Variants in DCAF8L2 observed in about 807,000 individuals in gnomAD.
DCAF8L2 encodes the protein DDB1 and CUL4 associated factor 8 like 2.
For missense variants in DCAF8L2, 430 were observed against 490.7 expected (o/e 0.88, Z 1.17); for synonymous variants, 200 against 190.9 (o/e 1.05, Z -0.39).
At chrX:27,501,466 T>C in the DCAF8L2 span, among the ~76,000 whole-genome samples, 9 of 111,568 alleles carry the variant, frequency 8.1e-5, no homozygotes, top group Non-Finnish European at 1.5e-4. Context: ...GTTTCCATTA[T>C]ATATTCCATG....
the DCAF8L2 span, among the ~76,000 whole-genome samples, chrX:27,555,765 G>A: frequency 1.3e-4 from 14 of 111,729 alleles, no homozygotes; most frequent in African/African-American, 4.6e-4. Context: ...GTTGGTGAGA[G>A]GTGTGAGTTT....
upstream of DCAF8L2, among the ~76,000 whole-genome samples, chrX:27,587,985 A>AAAAAAATATATATATATATAT: frequency 1.1e-3 from 24 of 22,338 alleles, no homozygotes; most frequent in African/African-American, 2.2e-3. Flanking sequence ...TAAAAAAAAA[A>AAAAAAATATATATATATATAT]ATATATATAT....
At chrX:27,630,415 T>C (rs929490771) in intron 1 of DCAF8L2, among the ~76,000 whole-genome samples, 1 of 111,607 alleles carries the variant, frequency 9.0e-6, no homozygotes, top group African/African-American at 3.2e-5. Flanking sequence ...ACCAGATGGC[T>C]TTACTGGTGA....
chrX:27,673,248 C>T (rs1278302655), intron 2 of DCAF8L2, among the ~76,000 whole-genome samples: 1 of 110,771 alleles, frequency 9.0e-6, no homozygotes, highest in Non-Finnish European at 1.9e-5. Context: ...TGGCTAACCC[C>T]TATAATCCCA....
the DCAF8L2 span, among the ~76,000 whole-genome samples, chrX:27,512,587 G>A: frequency 9.5e-6 from 1 of 104,979 alleles, no homozygotes; most frequent in Non-Finnish European, 1.9e-5. Flanking sequence ...GAGAGGCTGA[G>A]GCAGGAGAAT....
At chrX:27,741,732 T>A (rs1000629823) in intron 4 of DCAF8L2, among the ~76,000 whole-genome samples, 1 of 111,397 alleles carries the variant, frequency 9.0e-6, no homozygotes, top group African/African-American at 3.3e-5. Flanking sequence ...TTGGAAATTG[T>A]CACTGTAAAA....
In DCAF8L2 at chrX:27,748,113, C is replaced by G; in HGVS notation, c.1218C>G (p.Gly406=). 2.5e-6 allele frequency: 3 copies of G among 1,211,444 alleles called. No individual in the cohort carries two copies. Among genetic ancestry groups the G allele is most frequent in the South Asian group, 3.5e-5 (2 of 56,952 alleles). ...QRKIDKKENN[G]VLKKFTPHHL... is the part of the protein sequence containing the mutation. The stretch of plus-strand genomic sequence containing the variant: ...AAATTGATAAGAAAGAAAACAATGG[C>G]GTGCTCAAGAAATTCACTCCTCATC... Residue 406 remains glycine, a synonymous_variant, in exon 5 of 5, where the codon GGC becomes GGG. Transcript: ENST00000451261.
chrX:27,555,494 G>A, the DCAF8L2 span, among the ~76,000 whole-genome samples: 23 of 111,827 alleles, frequency 2.1e-4, no homozygotes, highest in Admixed American at 9.5e-5. Context: ...ATTCAACATG[G>A]ATCATTTAGC....
chrX:27,674,486 G>A (rs1441994472), intron 2 of DCAF8L2, among the ~76,000 whole-genome samples: 1 of 111,417 alleles, frequency 9.0e-6, no homozygotes, highest in East Asian at 2.8e-4. Context: ...CCTCTGCCAA[G>A]GAGAGATAGA....
At chrX:27,509,984 T>C in the DCAF8L2 span, among the ~76,000 whole-genome samples, 1 of 111,613 alleles carries the variant, frequency 9.0e-6, no homozygotes, top group Non-Finnish European at 1.9e-5. Context: ...ATGCAAAGCC[T>C]ACTTAATTAA....
Position 27,669,447 on chromosome X carries a change from TATTTATTC to T in DCAF8L2, c.-219-8381_-219-8374del, listed in dbSNP as rs1440676278. 8.4e-3 allele frequency among the ~76,000 whole-genome samples: 897 copies of T among 106,471 alleles called. 5 individuals are homozygous for T. The highest frequency in any genetic ancestry group is 0.03 in the African/African-American group (831 of 28,123). 92.5% of individuals were successfully genotyped at this position (106,471 alleles called of 115,157 possible). ...TCTAAATAACTTACCCAATATTTCTTATTTATTCATTTATTTATTTATTTATTTATTTT... is the reference window on the plus strand; with the variant it reads ...TCTAAATAACTTACCCAATATTTCTTATTTATTTATTTATTTATTTATTTT... On this transcript the variant is annotated intron_variant, in intron 2 of 4. Coordinates refer to ENST00000451261, the MANE Select transcript of DCAF8L2 (RefSeq NM_001353450.2).
At chrX:27,586,673 A>G (rs1431615754), upstream of DCAF8L2, among the ~76,000 whole-genome samples, 2 of 110,574 alleles carry the variant, frequency 1.8e-5, no homozygotes, top group Non-Finnish European at 3.8e-5. Flanking sequence ...GAAGGTGAGG[A>G]GTGTATTAGT....
chrX:27,505,977 G>T, the DCAF8L2 span, among the ~76,000 whole-genome samples: 2 of 111,973 alleles, frequency 1.8e-5, no homozygotes, highest in African/African-American at 6.5e-5. Context: ...CTGGTCATAT[G>T]CTCTGGTCAG....
intron 2 of DCAF8L2, among the ~76,000 whole-genome samples, chrX:27,656,492 T>TA (rs1458405502): frequency 9.0e-6 from 1 of 111,552 alleles, no homozygotes; most frequent in Non-Finnish European, 1.9e-5. Flanking sequence ...TTTTGCTGCA[T>TA]AAAAAAACTA....
chrX:27,527,109 G>T, the DCAF8L2 span, among the ~76,000 whole-genome samples: 1 of 112,358 alleles, frequency 8.9e-6, no homozygotes, highest in Non-Finnish European at 1.9e-5. Context: ...TTCAGCTATG[G>T]CCTGCTCCCA....
chrX:27,729,087 A>T (rs1447799625), intron 4 of DCAF8L2, among the ~76,000 whole-genome samples: 1 of 111,952 alleles, frequency 8.9e-6, no homozygotes, highest in Non-Finnish European at 1.9e-5. Context: ...TATTAAATTA[A>T]ACTTAAAACA....
At chrX:27,595,425 G>A (rs1926307821) in intron 1 of DCAF8L2, among the ~76,000 whole-genome samples, 1 of 111,103 alleles carries the variant, frequency 9.0e-6, no homozygotes, top group African/African-American at 3.3e-5. Context: ...TTTGGAATTA[G>A]CCCTGACCAT....
the DCAF8L2 span, among the ~76,000 whole-genome samples, chrX:27,546,941 T>A: frequency 0.43 from 48,249 of 111,591 alleles, 8,706 homozygotes; most frequent in South Asian, 0.68. Context: ...ATTTGGTTTA[T>A]CTTTACTTAT....
chrX:27,532,406 T>A, the DCAF8L2 span, among the ~76,000 whole-genome samples: 2 of 111,723 alleles, frequency 1.8e-5, no homozygotes, highest in African/African-American at 6.5e-5. Context: ...AGAAGCCAAA[T>A]AAATGGTGAT....
Sources: allele counts gnomAD v4.1 joint callset (sites outside exome capture counted in the v4.1 genomes callset), GRCh38; gene constraint gnomAD v4.1.1; transcripts MANE v1.5; gene names NCBI Gene and HGNC (gene_info 2026-07-23, HGNC 2026-07-21).